Variants in SRBD1 observed in about 807,000 individuals in gnomAD.
SRBD1 encodes S1 RNA binding domain 1, also known as S1 RNA-binding domain-containing protein 1.
Under a neutral mutation model 115.3 loss-of-function variants are expected in SRBD1, and 88 were observed. The observed-to-expected ratio is 0.76, with a 90% CI of 0.64 to 0.91. The LOEUF (loss-of-function observed/expected upper bound fraction) is 0.91, where lower values mean the gene tolerates loss of function less well. SRBD1 is among the 40% of genes least tolerant of loss of function. The pLI, the probability that SRBD1 is intolerant of heterozygous loss-of-function variation, is 0.00. For missense variants in SRBD1, 1,385 were observed against 1,177.4 expected (o/e 1.18, Z -2.58); for synonymous variants, 509 against 407.7 (o/e 1.25, Z -2.99).
At chr2:45,583,909 G>A (rs950364523) in intron 5 of SRBD1, among the ~76,000 whole-genome samples, 2 of 151,982 alleles carry the variant, frequency 1.3e-5, no homozygotes, top group East Asian at 1.9e-4. Context: ...GCAATAGAAG[G>A]GTTTTTTAAA....
Position 45,599,661 on chromosome 2 carries a change from C to T in SRBD1, c.436G>A (p.Glu146Lys), listed in dbSNP as rs1161542274. ...GTCTCTGAACTATTACTCTCACCCT[C>T]TAAGTTGCTGGCTTTGCTGGTTTCT... ...EEETSKASNL[E>K]GESNSSETPS... Residue 146 changes from glutamate (E) to lysine (K), a missense_variant, in exon 4 of 21, where the codon GAG becomes AAG. Transcript: ENST00000263736. The T allele has an allele frequency of 1.4e-5, 23 of 1,614,122 alleles. No individual in the cohort carries two copies. Among genetic ancestry groups the T allele is most frequent in the Non-Finnish European group, 1.9e-5 (23 of 1,180,054 alleles).
At chr2:45,487,134 A>G (rs906735953) in intron 15 of SRBD1, among the ~76,000 whole-genome samples, 1 of 152,208 alleles carries the variant, frequency 6.6e-6, no homozygotes, top group Non-Finnish European at 1.5e-5. Context: ...GAACGCTTTT[A>G]GCTTTAGATT....
chr2:45,463,022 G>C (rs905287634), intron 16 of SRBD1, among the ~76,000 whole-genome samples: 9 of 34,984 alleles, frequency 2.6e-4, no homozygotes, highest in East Asian at 2.5e-3. Context: ...TAACCCGGGG[G>C]GGGGGGGGGA....
At chr2:45,445,550 TAAAAAAAA>T (rs59451865) in intron 16 of SRBD1, among the ~76,000 whole-genome samples, 60 of 37,048 alleles carry the variant, frequency 1.6e-3, no homozygotes, top group South Asian at 5.2e-3. Flanking sequence ...TTCCCAGAGG[TAAAAAAAA>T]AAAAAAAAAA....
chr2:45,563,594 A>T (rs1672737884), intron 9 of SRBD1, among the ~76,000 whole-genome samples: 2 of 152,036 alleles, frequency 1.3e-5, no homozygotes, highest in Admixed American at 1.3e-4. Flanking sequence ...AAACACTCAA[A>T]CACCAAGATC....
rs1308998298 is a variant in SRBD1, at chr2:45,414,747, T to TAC, written c.2334-1456_2334-1455dup. Among the ~76,000 whole-genome samples the TAC allele has an allele frequency of 7.4e-3, 833 of 111,840 alleles. 38 individuals carry two copies. Among genetic ancestry groups the TAC allele is most frequent in the African/African-American group, 0.032 (674 of 21,342 alleles). The allele number at this position is 111,840 out of a possible 152,430, so 73.4% of individuals were successfully genotyped here. ...ACACACACAGTGTGTATATAGTATGTACACACACACAGTGTGTATATAGTA... is the reference window on the plus strand; with the variant it reads ...ACACACACAGTGTGTATATAGTATGTACACACACACACAGTGTGTATATAGTA... On this transcript the variant is annotated intron_variant, in intron 18 of 20. Transcript: ENST00000263736.
At chr2:45,537,538 G>C (rs1671802519) in intron 14 of SRBD1, among the ~76,000 whole-genome samples, 1 of 152,134 alleles carries the variant, frequency 6.6e-6, no homozygotes, top group Non-Finnish European at 1.5e-5. Flanking sequence ...GGAGTAATGG[G>C]ATGTTTTTGT....
intron 7 of SRBD1, 108 bp from the exon 8 acceptor site, chr2:45,574,831 G>C: frequency 1.1e-6 from 1 of 935,438 alleles, no homozygotes; most frequent in Non-Finnish European, 1.6e-6. Context: ...AAAACCTTAA[G>C]TTGACAGTCT....
chr2:45,508,976 G>A (rs926893063), intron 14 of SRBD1, among the ~76,000 whole-genome samples: 3 of 152,154 alleles, frequency 2.0e-5, no homozygotes, highest in African/African-American at 7.2e-5. Flanking sequence ...AGGGCACGGT[G>A]AGTTGGGAGG....
At chr2:45,397,371 A>G (rs1037538254) in intron 19 of SRBD1, among the ~76,000 whole-genome samples, 1 of 152,140 alleles carries the variant, frequency 6.6e-6, no homozygotes, top group Non-Finnish European at 1.5e-5. Flanking sequence ...ACTATTTTCA[A>G]ATTTACTGCT....
intron 16 of SRBD1, among the ~76,000 whole-genome samples, chr2:45,441,258 C>T (rs1429245730): frequency 6.6e-6 from 1 of 152,178 alleles, no homozygotes; most frequent in East Asian, 1.9e-4. Flanking sequence ...AGAGCCCAGG[C>T]ACTCCATGTG....
At chr2:45,528,147 T>C (rs1488252235) in intron 14 of SRBD1, among the ~76,000 whole-genome samples, 1 of 151,924 alleles carries the variant, frequency 6.6e-6, no homozygotes, top group Non-Finnish European at 1.5e-5. Context: ...TTAAACTGTA[T>C]GATTCCTTAA....
intron 9 of SRBD1, among the ~76,000 whole-genome samples, chr2:45,569,749 T>C (rs1238650919): frequency 6.6e-6 from 1 of 152,172 alleles, no homozygotes; most frequent in East Asian, 1.9e-4. Flanking sequence ...CCTCTTTGCA[T>C]TTCTAGGAGA....
At chr2:45,532,835 A>T (rs569027826) in intron 14 of SRBD1, among the ~76,000 whole-genome samples, 1 of 148,056 alleles carries the variant, frequency 6.8e-6, no homozygotes, top group Non-Finnish European at 1.5e-5. Context: ...ATAAAACACA[A>T]ATAAGGTGAA....
In SRBD1 at chr2:45,579,941, C is replaced by T; in HGVS notation, c.1006G>A (p.Ala336Thr). ...CCTGGTTTCTCAAGCAGTGCCCTGG[C>T]TGCTCCTTCTAAGCCCAACTGTCTT... Reference protein sequence around the residue: ...RARQLGLEGAARALLEKPGEL... With the variant: ...RARQLGLEGATRALLEKPGEL... Residue 336 changes from alanine to threonine, a missense_variant, in exon 7 of 21, where the codon GCC becomes ACC. By Grantham distance (58) the Ala-to-Thr change is moderately conservative. Transcript: ENST00000263736. 1.2e-6 allele frequency: 2 copies of T among 1,609,992 alleles called. No individual in the cohort carries two copies. Among genetic ancestry groups the T allele is most frequent in the Non-Finnish European group, 1.7e-6 (2 of 1,177,920 alleles).
rs190452397 is a variant in SRBD1, at chr2:45,489,105, C to T, written c.1875-774G>A. ...ACAGCTGACATTTGTATGGGGATTG[C>T]CATTTTGTACAGCTTATGAAAAATT... On this transcript the variant is annotated intron_variant, in intron 14 of 20. Transcript: ENST00000263736. Among the ~76,000 whole-genome samples the T allele has an allele frequency of 8.5e-5, 13 of 152,248 alleles. No homozygotes were observed. The East Asian group carries it at 2.5e-3, about 29-fold the overall frequency.
At chr2:45,421,303 C>T (rs928923477) in intron 16 of SRBD1, among the ~76,000 whole-genome samples, 5 of 151,726 alleles carry the variant, frequency 3.3e-5, no homozygotes, top group East Asian at 1.9e-4. Context: ...CTCAGAAGAT[C>T]GACACCATTC....
At position 45,546,823 on chromosome 2, in the gene SRBD1, T is replaced by C. The variant is rs1672135656; in HGVS notation, c.1783A>G (p.Ile595Val). 1.9e-6 allele frequency: 3 copies of C among 1,614,098 alleles called. No homozygotes were observed. Among genetic ancestry groups the C allele is most frequent in the Non-Finnish European group, 2.5e-6 (3 of 1,179,988 alleles). Residue 595 changes from isoleucine to valine, a missense_variant, in exon 14 of 21, where the codon ATT becomes GTT. Physicochemically the swap from Ile to Val is conservative, Grantham distance 29. Coordinates refer to ENST00000263736, the MANE Select transcript of SRBD1 (RefSeq NM_018079.5). ...TCCCTGCAGGCAGTTCCATTTCCAA[T>C]CACTACTGTGCTGCAGCTTCAAGGC... ...LLNFNCSTVV[I>V]GNGTACRETE... is the part of the protein sequence containing the mutation.
At chr2:45,571,253 G>C (rs891935552) in intron 9 of SRBD1, among the ~76,000 whole-genome samples, 1 of 151,966 alleles carries the variant, frequency 6.6e-6, no homozygotes, top group Non-Finnish European at 1.5e-5. Flanking sequence ...TTTCTTTTAG[G>C]GGATTTTTTT....
Sources: allele counts gnomAD v4.1 joint callset (sites outside exome capture counted in the v4.1 genomes callset), GRCh38; gene constraint gnomAD v4.1.1; transcripts MANE v1.5; gene names NCBI Gene and HGNC (gene_info 2026-07-23, HGNC 2026-07-21).